The following AGBL1 variants were observed in gnomAD, a reference collection of about 807,000 sequenced individuals.
AGBL1 encodes cytosolic carboxypeptidase 4.
In AGBL1, 130 loss-of-function variants were observed where a neutral mutation model predicts 118.9. The ratio of observed to expected loss-of-function variants is 1.09; its 90% CI spans 0.95 to 1.26. The LOEUF (loss-of-function observed/expected upper bound fraction) is 1.26, where lower values mean the gene tolerates loss of function less well. Ranked by LOEUF, AGBL1 falls within the 50% of genes most tolerant of loss-of-function variation. The probability of loss-of-function intolerance (pLI) is 0.00; values close to 1 mark genes in which losing one functional copy is unlikely to be tolerated. For synonymous variants in AGBL1, 555 were observed against 478.9 expected, an observed-to-expected ratio of 1.16 and a Z score of -2.08; for missense variants, 1,584 against 1,298.1, an observed-to-expected ratio of 1.22 and a Z score of -3.38.
intron 24 of AGBL1, among the ~76,000 whole-genome samples, chr15:87,004,888 T>G (rs10852082): frequency 0.63 from 95,306 of 151,944 alleles, 30,431 homozygotes; most frequent in South Asian, 0.76. Context: ...GGCAGGAGTG[T>G]TGGTGACAAA....
chr15:86,119,403 CCT>C (rs372818093), intron 1 of AGBL1, among the ~76,000 whole-genome samples: 31 of 151,934 alleles, frequency 2.0e-4, no homozygotes, highest in African/African-American at 5.3e-4. Flanking sequence ...TCTTCTGGCT[CCT>C]CTCTCAACTA....
chr15:86,274,350 T>G (rs1261281679), intron 15 of AGBL1, among the ~76,000 whole-genome samples: 1 of 152,190 alleles, frequency 6.6e-6, no homozygotes, highest in African/African-American at 2.4e-5. Context: ...AAAGACCTAA[T>G]ATTAAGGGTA....
chr15:86,822,213 T>C (rs1029963884), intron 22 of AGBL1, among the ~76,000 whole-genome samples: 2 of 152,190 alleles, frequency 1.3e-5, no homozygotes, highest in African/African-American at 4.8e-5. Flanking sequence ...GACTTCTCAG[T>C]GGAGAATCTC....
intron 18 of AGBL1, among the ~76,000 whole-genome samples, chr15:86,402,187 GTTATTTATTTAT>G (rs58824729): frequency 2.0e-5 from 3 of 151,344 alleles, no homozygotes; most frequent in African/African-American, 7.3e-5. Context: ...GTATTTCTAG[GTTATTTATTTAT>G]TTATTTATTT....
intron 21 of AGBL1, among the ~76,000 whole-genome samples, chr15:86,639,876 T>G (rs2085162905): frequency 1.3e-5 from 2 of 152,172 alleles, no homozygotes; most frequent in Admixed American, 6.5e-5. Context: ...GGTTTTTATC[T>G]CTATAACCAG....
At chr15:86,274,624 A>G (rs566464122) in intron 15 of AGBL1, among the ~76,000 whole-genome samples, 20 of 152,260 alleles carry the variant, frequency 1.3e-4, no homozygotes, top group Non-Finnish European at 1.9e-4. Flanking sequence ...CCATGCAACA[A>G]TCGATGCTTA....
At chr15:86,396,829 T>C (rs747849943) in intron 17 of AGBL1, among the ~76,000 whole-genome samples, 2 of 152,182 alleles carry the variant, frequency 1.3e-5, no homozygotes, top group African/African-American at 2.4e-5. Flanking sequence ...TTGCCTGAGA[T>C]CCCAGAGGTA....
chr15:86,440,741 T>C (rs1010341000), intron 18 of AGBL1, among the ~76,000 whole-genome samples: 1 of 152,150 alleles, frequency 6.6e-6, no homozygotes, highest in African/African-American at 2.4e-5. Flanking sequence ...CCTGCTATAA[T>C]ACTGCAGCAC....
At chr15:86,845,967 G>A (rs8029467) in intron 22 of AGBL1, among the ~76,000 whole-genome samples, 72,239 of 151,972 alleles carry the variant, frequency 0.48, 17,287 homozygotes, top group South Asian at 0.59. Context: ...CTTCCCTCTT[G>A]AAAGAAAGAG....
intron 22 of AGBL1, among the ~76,000 whole-genome samples, chr15:86,853,520 T>C (rs1377038334): frequency 1.3e-5 from 2 of 152,140 alleles, no homozygotes; most frequent in Admixed American, 6.5e-5. Flanking sequence ...ACTTACCCAA[T>C]GTTGCCCAGG....
At chr15:86,503,579 A>G (rs907489640) in intron 18 of AGBL1, among the ~76,000 whole-genome samples, 7 of 151,240 alleles carry the variant, frequency 4.6e-5, no homozygotes, top group African/African-American at 1.7e-4. Flanking sequence ...ATTTACAAAT[A>G]TGTATTTTTT....
intron 22 of AGBL1, among the ~76,000 whole-genome samples, chr15:86,823,523 A>C (rs2078969186): frequency 6.6e-6 from 1 of 152,198 alleles, no homozygotes; most frequent in Admixed American, 6.6e-5. Flanking sequence ...GTTAGGTCTT[A>C]GCACAGACCA....
rs78167747 is a variant in AGBL1 at position 86,860,758 on chromosome 15, G to A, written c.3159-46329G>A. The stretch of plus-strand genomic sequence containing the variant: ...TGTGTGTGCCTATGAAGATACACAT[G>A]TGTCTGGATGAGCACATGTTTCTAT... On this transcript the variant is annotated intron_variant, in intron 22 of 22. Coordinates refer to ENST00000614907, the MANE Select transcript of AGBL1 (RefSeq NM_001386094.1). 3.5e-3 allele frequency among the ~76,000 whole-genome samples: 528 copies of A among 152,200 alleles called. 5 individuals carry two copies. The highest frequency in any genetic ancestry group is 0.012 in the African/African-American group (497 of 41,510).
chr15:86,321,072 T>C (rs1276261887), intron 17 of AGBL1, among the ~76,000 whole-genome samples: 2 of 152,304 alleles, frequency 1.3e-5, no homozygotes, highest in East Asian at 3.9e-4. Context: ...TTTTGTGTCT[T>C]TGTCTCCTTT....
intron 6 of AGBL1, among the ~76,000 whole-genome samples, chr15:86,242,002 G>A (rs1171613412): frequency 6.6e-6 from 1 of 152,116 alleles, no homozygotes; most frequent in Non-Finnish European, 1.5e-5. Flanking sequence ...TTCCCATGCT[G>A]TTCTTATGAT....
At chr15:86,877,137 A>G (rs1821321791) in intron 22 of AGBL1, among the ~76,000 whole-genome samples, 1 of 152,076 alleles carries the variant, frequency 6.6e-6, no homozygotes, top group South Asian at 2.1e-4. Flanking sequence ...CTCTGTTCAA[A>G]TGCATAAAAG....
At chr15:87,024,388 T>G (rs2081702807) in intron 24 of AGBL1, among the ~76,000 whole-genome samples, 1 of 152,046 alleles carries the variant, frequency 6.6e-6, no homozygotes, top group South Asian at 2.1e-4. Context: ...AAGAAATGGA[T>G]AAACTCCTGG....
chr15:86,751,607 T>G (rs2077852969), intron 22 of AGBL1, among the ~76,000 whole-genome samples: 1 of 152,150 alleles, frequency 6.6e-6, no homozygotes, highest in Non-Finnish European at 1.5e-5. Context: ...TAGATATTGC[T>G]AAATTACCCT....
At chr15:86,704,197 C>T (rs540653626) in intron 22 of AGBL1, among the ~76,000 whole-genome samples, 1 of 152,236 alleles carries the variant, frequency 6.6e-6, no homozygotes, top group East Asian at 1.9e-4. Flanking sequence ...TAGAAGAAAA[C>T]CTAGGCAATA....
Sources: allele counts gnomAD v4.1 joint callset (sites outside exome capture counted in the v4.1 genomes callset), GRCh38; gene constraint gnomAD v4.1.1; transcripts MANE v1.5; gene names NCBI Gene and HGNC (gene_info 2026-07-23, HGNC 2026-07-21).